MARCHF2: variants seen among roughly 807,000 people sequenced by gnomAD.
MARCHF2 encodes E3 ubiquitin-protein ligase MARCHF2.
Under a neutral mutation model 24.0 loss-of-function variants are expected in MARCHF2, and 22 were observed. The observed-to-expected ratio is 0.92, with a 90% CI of 0.66 to 1.31. The LOEUF is 1.31. Among genes scored for constraint, MARCHF2 ranks in the 50% most tolerant of loss-of-function variants. The probability of loss-of-function intolerance (pLI) is 0.00; values close to 1 mark genes in which losing one functional copy is unlikely to be tolerated. For synonymous variants in MARCHF2, 154 were observed against 153.0 expected, an observed-to-expected ratio of 1.01 and a Z score of -0.05; for missense variants, 301 against 335.3, an observed-to-expected ratio of 0.90 and a Z score of 0.80.
At chr19:8,426,578 C>A in intron 2 of MARCHF2, 31 bp from the exon 3 acceptor site, 1 of 1,593,952 alleles carries the variant, frequency 6.3e-7, no homozygotes, top group Non-Finnish European at 8.6e-7. Context: ...AAAGCCCAAT[C>A]ATTGCTCATG....
intron 4 of MARCHF2, among the ~76,000 whole-genome samples, chr19:8,431,075 AG>A (rs1967570242): frequency 6.6e-6 from 1 of 152,198 alleles, no homozygotes; most frequent in African/African-American, 2.4e-5. Context: ...TCCCTGAGCC[AG>A]GTGTGAACCT....
chr19:8,428,680 A>C lies in MARCHF2; in HGVS notation c.372+1876A>C, dbSNP rs1013752475. Among the ~76,000 whole-genome samples the C allele has an allele frequency of 3.4e-5, 5 of 147,368 alleles. 1 individual carries two copies. The highest frequency in any genetic ancestry group is 7.5e-5 in the African/African-American group (3 of 40,088). On this transcript the variant is annotated intron_variant, in intron 3 of 4. Transcript: ENST00000215555. ...AAAAAAAAAAAAAAAAAAAAAAAAAAAAACCAAGGCTGGACGTGGTGGCTC... is the reference window on the plus strand; with the variant it reads ...AAAAAAAAAAAAAAAAAAAAAAAAACAAACCAAGGCTGGACGTGGTGGCTC...
At chr19:8,427,499 G>A (rs2145557254) in intron 3 of MARCHF2, among the ~76,000 whole-genome samples, 1 of 148,208 alleles carries the variant, frequency 6.7e-6, no homozygotes, top group East Asian at 2.0e-4. Context: ...TCAAAGCATC[G>A]CTTCTGATAT....
At chr19:8,438,348 G>A in intron 4 of MARCHF2, 40 bp from the exon 5 acceptor site, 6 of 1,605,838 alleles carry the variant, frequency 3.7e-6, no homozygotes, top group Non-Finnish European at 5.1e-6. Context: ...TTCCTCCCTT[G>A]CGGGTGGAGG....
intron 1 of MARCHF2, among the ~76,000 whole-genome samples, chr19:8,415,735 C>CAAAAAAAAAAA (rs1230223487): frequency 2.1e-5 from 2 of 96,730 alleles, no homozygotes; most frequent in African/African-American, 3.7e-5. Context: ...AAAAAAAAAA[C>CAAAAAAAAAAA]AAAAAAAACA....
chr19:8,434,107 C>T lies in MARCHF2; in HGVS notation c.582+3240C>T, dbSNP rs1378007909. 6.4e-5 allele frequency among the ~76,000 whole-genome samples: 7 copies of T among 109,576 alleles called. No individual in the cohort carries two copies. In the South Asian group the frequency reaches 1.5e-3, roughly 24 times the overall value. The allele number at this position is 109,576 out of a possible 152,430, so 71.9% of individuals were successfully genotyped here. A position where few individuals can be genotyped will look rare whatever the true frequency, so the allele number is the denominator to read the frequency against. ...TTTTTTTTTTTTTTTTTTTTTGAGA[C>T]GGGGTCTTGCTCTGTCACCCAGGCT... On this transcript the variant is annotated intron_variant, in intron 4 of 4. Transcript: ENST00000215555.
intron 1 of MARCHF2, among the ~76,000 whole-genome samples, chr19:8,419,910 G>A (rs1429632987): frequency 6.7e-6 from 1 of 149,938 alleles, no homozygotes; most frequent in Non-Finnish European, 1.5e-5. Context: ...TGTAATCCTA[G>A]CACTTTGGGA....
Position 8,413,371 on chromosome 19 carries a change from C to A in MARCHF2, c.-102C>A, listed in dbSNP as rs528521293. 4.0e-5 allele frequency: 6 copies of A among 151,556 alleles called. No homozygotes were observed. Among genetic ancestry groups the A allele is most frequent in the African/African-American group, 1.5e-4 (6 of 41,336 alleles). 9.4% of individuals were successfully genotyped at this position (151,556 alleles called of 1,614,324 possible). The stretch of plus-strand genomic sequence containing the variant: ...GGCCGGGCCGGGCCGGGACCGGGGC[C>A]GAGGCGAACCGAGGGGCCTGTGCGG... On this transcript the variant is annotated 5_prime_UTR_variant, in exon 1 of 5. Transcript: ENST00000215555.
chr19:8,432,505 T>C (rs552054010), intron 4 of MARCHF2, among the ~76,000 whole-genome samples: 2 of 151,864 alleles, frequency 1.3e-5, no homozygotes, highest in East Asian at 3.9e-4. Context: ...AGGAAAATAA[T>C]TAGCTGGGCA....
chr19:8,434,319 A>G (rs1049261437), intron 4 of MARCHF2, among the ~76,000 whole-genome samples: 1 of 151,996 alleles, frequency 6.6e-6, no homozygotes, highest in Non-Finnish European at 1.5e-5. Flanking sequence ...TCTTGACCTC[A>G]GGTATCCACC....
At chr19:8,416,234 C>T (rs1009352390) in intron 1 of MARCHF2, among the ~76,000 whole-genome samples, 9 of 150,264 alleles carry the variant, frequency 6.0e-5, no homozygotes, top group African/African-American at 1.2e-4. Flanking sequence ...CCCAGCTACT[C>T]GGGAGGCTGA....
At chr19:8,434,957 T>C (rs150106381) in intron 4 of MARCHF2, among the ~76,000 whole-genome samples, 107 of 152,096 alleles carry the variant, frequency 7.0e-4, no homozygotes, top group African/African-American at 2.5e-3. Flanking sequence ...CTGCCCACCT[T>C]GGCCTTCCAA....
chr19:8,418,011 A>G (rs1340966682), intron 1 of MARCHF2, among the ~76,000 whole-genome samples: 32 of 131,454 alleles, frequency 2.4e-4, no homozygotes, highest in East Asian at 1.2e-3. Context: ...TGATCTGCCC[A>G]CCTCGGCCTC....
intron 2 of MARCHF2, among the ~76,000 whole-genome samples, chr19:8,425,293 G>A (rs1967367182): frequency 6.6e-6 from 1 of 151,840 alleles, no homozygotes; most frequent in Non-Finnish European, 1.5e-5. Context: ...GAGGCTACTC[G>A]GGAGGCTGAG....
chr19:8,434,483 A>AC (rs1169123819), intron 4 of MARCHF2, among the ~76,000 whole-genome samples: 1 of 150,814 alleles, frequency 6.6e-6, no homozygotes, highest in Non-Finnish European at 1.5e-5. Flanking sequence ...AAAAAAAAAA[A>AC]CCCACACACA....
intron 4 of MARCHF2, among the ~76,000 whole-genome samples, chr19:8,431,189 G>A (rs1302974316): frequency 6.6e-6 from 1 of 151,992 alleles, no homozygotes; most frequent in East Asian, 1.9e-4. Flanking sequence ...CAAGATAGTG[G>A]GGAAATATAT....
At chr19:8,427,114 C>T (rs1465253967) in intron 3 of MARCHF2, among the ~76,000 whole-genome samples, 2 of 152,050 alleles carry the variant, frequency 1.3e-5, no homozygotes, top group Non-Finnish European at 2.9e-5. Flanking sequence ...GTGGTGCGAT[C>T]TCGGCTCACT....
At chr19:8,429,803 C>CT (rs371323385) in intron 3 of MARCHF2, among the ~76,000 whole-genome samples, 87 of 79,650 alleles carry the variant, frequency 1.1e-3, no homozygotes, top group African/African-American at 3.3e-3. Context: ...CACACCAGGG[C>CT]TTTTTTTTTT....
chr19:8,431,492 G>T (rs1355629362), intron 4 of MARCHF2, among the ~76,000 whole-genome samples: 1 of 33,852 alleles, frequency 3.0e-5, no homozygotes, highest in South Asian at 1.2e-3. Context: ...AGCGAAACTC[G>T]ATCTCAAAAA....
Sources: allele counts gnomAD v4.1 joint callset (sites outside exome capture counted in the v4.1 genomes callset), GRCh38; gene constraint gnomAD v4.1.1; transcripts MANE v1.5; gene names NCBI Gene and HGNC (gene_info 2026-07-23, HGNC 2026-07-21).